ZNF536: variants seen among roughly 807,000 people sequenced by gnomAD.
ZNF536 encodes zinc finger protein 536.
ZNF536 carries 13 observed loss-of-function variants against 84.5 expected under a neutral mutation model. That is an observed-to-expected ratio of 0.15 (90% CI 0.10 to 0.24). ZNF536 has a LOEUF of 0.24. ZNF536 is among the 10% of genes least tolerant of loss of function. The pLI is 1.00. For synonymous variants in ZNF536, 811 were observed against 742.5 expected, an observed-to-expected ratio of 1.09 and a Z score of -1.50; for missense variants, 1,536 against 1,747.5, an observed-to-expected ratio of 0.88 and a Z score of 2.16.
chr19:30,539,127 A>C lies in ZNF536; in HGVS notation c.2323+4128A>C, dbSNP rs7247120. On this transcript the variant is annotated intron_variant, in intron 3 of 4. Coordinates refer to ENST00000355537, the MANE Select transcript of ZNF536 (RefSeq NM_014717.3). ...AGAAAAGGAGATATGCACCCCCCCCACACACACACACGCACACAGGAGATT... is the reference window on the plus strand; with the variant it reads ...AGAAAAGGAGATATGCACCCCCCCCCCACACACACACGCACACAGGAGATT... 9.0e-3 allele frequency among the ~76,000 whole-genome samples: 1,356 copies of C among 149,864 alleles called. 16 individuals are homozygous for C. The highest frequency in any genetic ancestry group is 0.053 in the East Asian group (271 of 5,156).
At chr19:30,654,864 C>T (rs1477287121) in intron 1 of ZNF536, among the ~76,000 whole-genome samples, 2 of 151,594 alleles carry the variant, frequency 1.3e-5, no homozygotes, top group Admixed American at 6.6e-5. Context: ...GGCAAAGCCA[C>T]CGTGCTTACA....
chr19:30,361,218 A>G (rs1406748867), intron 3 of ZNF536, among the ~76,000 whole-genome samples: 2 of 152,248 alleles, frequency 1.3e-5, no homozygotes, highest in African/African-American at 4.8e-5. Context: ...CCTTCTTGCC[A>G]TTCGGCACCC....
intron 1 of ZNF536, among the ~76,000 whole-genome samples, chr19:30,692,627 C>A (rs545861573): frequency 7.2e-5 from 11 of 152,362 alleles, no homozygotes; most frequent in Non-Finnish European, 1.5e-5. Context: ...CGAAATCCGT[C>A]ACGTCTTTTC....
At chr19:30,289,889 A>G (rs2045776538) in intron 2 of ZNF536, among the ~76,000 whole-genome samples, 1 of 152,222 alleles carries the variant, frequency 6.6e-6, no homozygotes, top group African/African-American at 2.4e-5. Context: ...TACACATAAT[A>G]TAAAACTTAC....
chr19:30,404,693 A>G (rs2050193430), intron 1 of ZNF536, among the ~76,000 whole-genome samples: 1 of 152,128 alleles, frequency 6.6e-6, no homozygotes, highest in Non-Finnish European at 1.5e-5. Context: ...AACCACAGTC[A>G]TCAACACAGA....
intron 2 of ZNF536, among the ~76,000 whole-genome samples, chr19:30,512,037 G>T (rs1450585049): frequency 2.0e-5 from 3 of 152,124 alleles, no homozygotes; most frequent in Non-Finnish European, 4.4e-5. Context: ...ACTTTTGTCT[G>T]CAAAGCATAT....
At chr19:30,595,444 T>C (rs1300082470) in intron 1 of ZNF536, among the ~76,000 whole-genome samples, 1 of 152,152 alleles carries the variant, frequency 6.6e-6, no homozygotes, top group Non-Finnish European at 1.5e-5. Flanking sequence ...TATGACCCCA[T>C]GCCTGGCTAT....
At chr19:30,415,302 TCTTCTC>T (rs1307229108) in intron 1 of ZNF536, among the ~76,000 whole-genome samples, 2 of 142,574 alleles carry the variant, frequency 1.4e-5, no homozygotes, top group East Asian at 2.1e-4. Context: ...TTCTTCTTCT[TCTTCTC>T]CTTCTCCTTC....
intron 1 of ZNF536, among the ~76,000 whole-genome samples, chr19:30,577,286 A>G (rs1272561915): frequency 6.6e-6 from 1 of 152,060 alleles, no homozygotes; most frequent in East Asian, 1.9e-4. Context: ...TGAATTACAT[A>G]TTTACAGCTG....
chr19:30,537,620 C>A (rs2045143140), intron 3 of ZNF536, among the ~76,000 whole-genome samples: 1 of 152,196 alleles, frequency 6.6e-6, no homozygotes, highest in Non-Finnish European at 1.5e-5. Context: ...CAGAATATTT[C>A]CAGGCAACTT....
intron 1 of ZNF536, among the ~76,000 whole-genome samples, chr19:30,565,427 G>A (rs756608540): frequency 5.9e-5 from 9 of 152,234 alleles, no homozygotes; most frequent in Admixed American, 4.6e-4. Context: ...TGTGAAGCCC[G>A]CAGGTCTGCC....
rs145988203 is a variant in ZNF536, at chr19:30,445,230, G to A, written c.1668G>A (p.Gly556=). 3.3e-4 allele frequency: 526 copies of A among 1,614,164 alleles called. No individual in the cohort carries two copies. The highest frequency in any genetic ancestry group is 4.3e-4 in the Non-Finnish European group (510 of 1,180,040). Residue 556 remains glycine (G), a synonymous_variant, in exon 2 of 5, where the codon GGG becomes GGA. Transcript: ENST00000355537. This position sits in a 1 kb window ranked among gnomAD's most constrained non-coding sequence, Gnocchi z 4.5. Reference sequence around the variant, plus strand: ...ACGAAGACACTTTGGCAAACGCCGGGGTTCTGTTTGATAAGGAGAAGCGGG... The same window carrying A: ...ACGAAGACACTTTGGCAAACGCCGGAGTTCTGTTTGATAAGGAGAAGCGGG... The part of the protein sequence containing the change: ...RNHEDTLANA[G]VLFDKEKREY...
At chr19:30,383,382 G>C (rs1198232194) in intron 1 of ZNF536, among the ~76,000 whole-genome samples, 1 of 152,178 alleles carries the variant, frequency 6.6e-6, no homozygotes, top group African/African-American at 2.4e-5. Flanking sequence ...TCTGTACCTT[G>C]CTAAGGTCTG....
intron 1 of ZNF536, among the ~76,000 whole-genome samples, chr19:30,231,691 C>T (rs890042793): frequency 6.6e-6 from 1 of 152,110 alleles, no homozygotes; most frequent in African/African-American, 2.4e-5. Context: ...GTGATGGTCC[C>T]CTTGGTGGCA....
rs1398126407 is a variant in ZNF536, at chr19:30,383,707, C to A, written c.-3+11151C>A. Among the ~76,000 whole-genome samples, 8 of 45,742 alleles carry A rather than the reference C, an allele frequency of 1.7e-4. 1 individual carries two copies. Among genetic ancestry groups the A allele is most frequent in the South Asian group, 1.8e-3 (2 of 1,090 alleles). 30.0% of individuals were successfully genotyped at this position (45,742 alleles called of 152,430 possible). ...TCCTTCCTTTCTTTTCTTTCTCTTTCTTTCTTTCTTTCTTTCTTTCTTTCT... is the reference window on the plus strand; with the variant it reads ...TCCTTCCTTTCTTTTCTTTCTCTTTATTTCTTTCTTTCTTTCTTTCTTTCT... On this transcript the variant is annotated intron_variant, in intron 1 of 4. Transcript: ENST00000355537.
At chr19:30,499,377 G>A (rs2054857906) in intron 2 of ZNF536, among the ~76,000 whole-genome samples, 1 of 152,060 alleles carries the variant, frequency 6.6e-6, no homozygotes, top group African/African-American at 2.4e-5. Context: ...ATGAATGTAT[G>A]TATATGTCTA....
chr19:30,317,691 AC>A (rs2046726787), intron 2 of ZNF536, among the ~76,000 whole-genome samples: 1 of 152,082 alleles, frequency 6.6e-6, no homozygotes, highest in Non-Finnish European at 1.5e-5. Context: ...AGTTTCAATG[AC>A]CTCTGACCAT....
chr19:30,363,196 C>T (rs1057487838), intron 3 of ZNF536, among the ~76,000 whole-genome samples: 2 of 152,132 alleles, frequency 1.3e-5, no homozygotes, highest in African/African-American at 2.4e-5. Context: ...AGGAGGGGGA[C>T]ACAGTATTTC....
At chr19:30,678,684 C>G (rs2050846361) in intron 1 of ZNF536, among the ~76,000 whole-genome samples, 1 of 152,156 alleles carries the variant, frequency 6.6e-6, no homozygotes, top group Non-Finnish European at 1.5e-5. Flanking sequence ...CAGACTATGT[C>G]TGGAGCTTCC....
Sources: gnomAD v4.1 joint callset for allele counts (sites outside exome capture counted in the v4.1 genomes callset) on GRCh38, gnomAD v4.1.1 for gene constraint, Gnocchi (gnomAD v3.1) non-coding constraint, MANE v1.5 for transcripts, NCBI Gene and HGNC (gene_info 2026-07-23, HGNC 2026-07-21) for gene names.